The following RMST variants were observed in gnomAD, a reference collection of about 807,000 sequenced individuals.
The protein encoded by RMST is long intergenic non-protein coding RNA 54.
intron 10 of RMST, among the ~76,000 whole-genome samples, chr12:97,521,139 C>G (rs1160719360): frequency 6.6e-6 from 1 of 152,092 alleles, no homozygotes. Context: ...TTAATTGAGC[C>G]AGAAAGTATC....
intron 11 of RMST, among the ~76,000 whole-genome samples, chr12:97,545,829 T>C (rs1292215350): frequency 6.6e-6 from 1 of 152,146 alleles, no homozygotes; most frequent in Non-Finnish European, 1.5e-5. Flanking sequence ...CACGTAAATA[T>C]GTCTAACAGC....
At chr12:97,555,048 G>A (rs1336145900) in intron 11 of RMST, among the ~76,000 whole-genome samples, 1 of 152,138 alleles carries the variant, frequency 6.6e-6, no homozygotes, top group African/African-American at 2.4e-5. Flanking sequence ...AGAAAAGTCA[G>A]ATGTTAATTA....
chr12:97,485,646 C>T (rs1312400110), intron 5 of RMST, among the ~76,000 whole-genome samples: 2 of 152,128 alleles, frequency 1.3e-5, no homozygotes, highest in African/African-American at 4.8e-5. Context: ...ATTATATGAG[C>T]CCCCAAAGGC....
chr12:97,504,019 G>T (rs1256370750), intron 10 of RMST, among the ~76,000 whole-genome samples: 2 of 152,088 alleles, frequency 1.3e-5, no homozygotes, highest in Non-Finnish European at 2.9e-5. Context: ...TCTGCCTCCT[G>T]GGTTCAAGCG....
intron 5 of RMST, among the ~76,000 whole-genome samples, chr12:97,482,426 G>A (rs528146664): frequency 3.1e-4 from 47 of 152,090 alleles, no homozygotes; most frequent in Middle Eastern, 3.4e-3. Context: ...CCTCCATGTA[G>A]CTTCCCATTA....
At chr12:97,563,865 A>C (rs1884325077) in intron 13 of RMST, 1 of 514,188 alleles carries the variant, frequency 1.9e-6, no homozygotes, top group Non-Finnish European at 4.1e-6. Flanking sequence ...GATAGTAATA[A>C]AGTCTCATGT....
chr12:97,550,181 C>T (rs1177696363), intron 11 of RMST, among the ~76,000 whole-genome samples: 5 of 152,046 alleles, frequency 3.3e-5, no homozygotes, highest in Non-Finnish European at 5.9e-5. Context: ...CACCTGAGGT[C>T]GGGAGTTCGA....
rs1375454752 is a variant in RMST, at chr12:97,497,672, A to G, written n.1340+1616A>G. Among the ~76,000 whole-genome samples, 3 of 148,428 alleles carry G rather than the reference A, an allele frequency of 2.0e-5. No individual in the cohort carries two copies. In the East Asian group the frequency reaches 6.0e-4, roughly 30 times the overall value. ...GATACGATTTAGAGAGGTAGGGCAC[A>G]AGGATGATTTTTTTTTTTTTGCCTT... is the stretch of plus-strand genomic sequence containing the variant. On this transcript the variant is annotated intron_variant and non_coding_transcript_variant, in intron 10 of 13. Transcript: ENST00000640149.
intron 11 of RMST, among the ~76,000 whole-genome samples, chr12:97,539,974 T>C (rs1422786074): frequency 6.6e-6 from 1 of 151,702 alleles, no homozygotes; most frequent in South Asian, 2.1e-4. Context: ...CAGGTCTGAC[T>C]GAGTTAAAGG....
chr12:97,528,520 A>T (rs1332738607), intron 10 of RMST, among the ~76,000 whole-genome samples: 1 of 152,174 alleles, frequency 6.6e-6, no homozygotes, highest in Non-Finnish European at 1.5e-5. Flanking sequence ...TTTCTGACTC[A>T]TTCTAACTCC....
At chr12:97,464,880 C>T (rs1472084948) in intron 4 of RMST, 1 of 152,104 alleles carries the variant, frequency 6.6e-6, no homozygotes, top group Non-Finnish European at 1.5e-5. Context: ...ACACTGCTGT[C>T]CCACTAAAAA....
intron 5 of RMST, among the ~76,000 whole-genome samples, chr12:97,486,145 G>A (rs766133969): frequency 1.4e-4 from 21 of 152,072 alleles, no homozygotes; most frequent in Admixed American, 2.6e-4. Flanking sequence ...AAAAATACAG[G>A]TATAGACATT....
intron 10 of RMST, among the ~76,000 whole-genome samples, chr12:97,521,556 C>T (rs1316605346): frequency 6.6e-6 from 1 of 152,074 alleles, no homozygotes; most frequent in East Asian, 1.9e-4. Context: ...AATCATAACT[C>T]TATAATACTG....
intron 10 of RMST, among the ~76,000 whole-genome samples, chr12:97,504,230 C>T (rs1021017491): frequency 3.3e-5 from 5 of 151,928 alleles, no homozygotes; most frequent in Non-Finnish European, 5.9e-5. Context: ...ATGGCAAACC[C>T]CCATTTCTAC....
At chr12:97,538,896 G>A (rs1186715216) in intron 11 of RMST, among the ~76,000 whole-genome samples, 1 of 151,314 alleles carries the variant, frequency 6.6e-6, no homozygotes, top group Non-Finnish European at 1.5e-5. Context: ...ATGATTCACA[G>A]CTAGTTACAT....
chr12:97,521,749 C>T (rs998054595), intron 10 of RMST, among the ~76,000 whole-genome samples: 3 of 152,102 alleles, frequency 2.0e-5, no homozygotes, highest in African/African-American at 7.2e-5. Flanking sequence ...TAGGCAGAGC[C>T]TCTCTGAAAC....
At chr12:97,535,228 G>A (rs1881978771) in intron 11 of RMST, among the ~76,000 whole-genome samples, 1 of 151,648 alleles carries the variant, frequency 6.6e-6, no homozygotes, top group Admixed American at 6.6e-5. Context: ...TAATTGGGAA[G>A]ATTAGTTTTC....
intron 11 of RMST, among the ~76,000 whole-genome samples, chr12:97,544,664 C>A (rs1028150589): frequency 6.6e-6 from 1 of 152,004 alleles, no homozygotes; most frequent in Non-Finnish European, 1.5e-5. Context: ...TATTGTCCTG[C>A]CACACAGCAA....
chr12:97,517,402 T>C (rs535661221), intron 10 of RMST, among the ~76,000 whole-genome samples: 6 of 152,032 alleles, frequency 3.9e-5, no homozygotes, highest in Admixed American at 3.9e-4. Context: ...AAAATCTGAG[T>C]GATACAGACA....
Sources: allele counts gnomAD v4.1 joint callset (sites outside exome capture counted in the v4.1 genomes callset), GRCh38; gene constraint gnomAD v4.1.1; transcripts MANE v1.5; gene names NCBI Gene and HGNC (gene_info 2026-07-23, HGNC 2026-07-21).